The following DPYD variants were observed in gnomAD, a reference collection of about 807,000 sequenced individuals.
The protein encoded by DPYD is dihydropyrimidine dehydrogenase.
A neutral mutation model predicts 116.2 loss-of-function variants in DPYD; 109 were observed. The ratio of observed to expected loss-of-function variants is 0.94; its 90% CI spans 0.80 to 1.10. The LOEUF is 1.10. Ranked by LOEUF, DPYD falls within the 50% of genes least tolerant of loss-of-function variation. The pLI is 0.00. For synonymous variants in DPYD, 440 were observed against 432.0 expected (o/e 1.02, Z -0.23); for missense variants, 1,302 against 1,254.5 (o/e 1.04, Z -0.57).
chr1:97,817,852 G>C (rs1668709270), intron 3 of DPYD, among the ~76,000 whole-genome samples: 1 of 151,896 alleles, frequency 6.6e-6, no homozygotes, highest in African/African-American at 2.4e-5. Context: ...CTTCAATTAT[G>C]GATACTTAAA....
At chr1:97,637,901 T>A (rs1657663062) in intron 8 of DPYD, among the ~76,000 whole-genome samples, 1 of 152,086 alleles carries the variant, frequency 6.6e-6, no homozygotes, top group Non-Finnish European at 1.5e-5. Flanking sequence ...AACCAAGACC[T>A]TTTGTTGACA....
chr1:97,384,148 A>G (rs891323254), intron 14 of DPYD, among the ~76,000 whole-genome samples: 1 of 151,988 alleles, frequency 6.6e-6, no homozygotes, highest in African/African-American at 2.4e-5. Flanking sequence ...TTGAGACACA[A>G]AGAGTTTGTG....
chr1:97,145,449 C>T (rs746162601), intron 20 of DPYD, among the ~76,000 whole-genome samples: 9 of 152,054 alleles, frequency 5.9e-5, no homozygotes, highest in Non-Finnish European at 1.0e-4. Flanking sequence ...TCCAAGCTAC[C>T]GAAACTGGTG....
chr1:97,820,179 A>C (rs1668848688), intron 3 of DPYD, among the ~76,000 whole-genome samples: 1 of 152,112 alleles, frequency 6.6e-6, no homozygotes, highest in Non-Finnish European at 1.5e-5. Flanking sequence ...TAAACAGCTA[A>C]AATAATACCT....
In DPYD at chr1:97,714,468, C is replaced by T. The variant is rs1163945255; in HGVS notation, c.483+7042G>A. Among the ~76,000 whole-genome samples, 5 of 151,996 alleles carry T rather than the reference C, an allele frequency of 3.3e-5. No individual in the cohort carries two copies. In the East Asian group the frequency reaches 9.7e-4, roughly 29 times the overall value. On this transcript the variant is annotated intron_variant, in intron 5 of 22. Coordinates refer to ENST00000370192, the MANE Select transcript of DPYD (RefSeq NM_000110.4). ...TTGTGATCCGCCTGCCTCGGCCTCC[C>T]AAAATGCTAGGATTAAAGGCATGAC...
intron 14 of DPYD, among the ~76,000 whole-genome samples, chr1:97,413,976 T>C (rs1001895105): frequency 1.3e-5 from 2 of 152,150 alleles, no homozygotes; most frequent in Non-Finnish European, 2.9e-5. Context: ...TATGTATACA[T>C]AGAAGTTATA....
At chr1:97,312,811 G>T (rs1156566557) in intron 16 of DPYD, among the ~76,000 whole-genome samples, 2 of 151,708 alleles carry the variant, frequency 1.3e-5, no homozygotes, top group African/African-American at 4.8e-5. Flanking sequence ...ATAGACATTT[G>T]CCAAAACACA....
intron 5 of DPYD, among the ~76,000 whole-genome samples, chr1:97,707,873 A>G (rs2100994268): frequency 6.6e-6 from 1 of 152,130 alleles, no homozygotes; most frequent in South Asian, 2.1e-4. Flanking sequence ...GTTGGGTTGT[A>G]AGAGACTTTT....
At chr1:97,860,864 A>T (rs1349734668) in intron 2 of DPYD, among the ~76,000 whole-genome samples, 1 of 152,030 alleles carries the variant, frequency 6.6e-6, no homozygotes, top group African/African-American at 2.4e-5. Flanking sequence ...CTCTCAAACG[A>T]TAAAAAGCTA....
intron 20 of DPYD, among the ~76,000 whole-genome samples, chr1:97,152,039 G>A (rs1225614887): frequency 6.6e-6 from 1 of 152,052 alleles, no homozygotes; most frequent in Non-Finnish European, 1.5e-5. Context: ...ACCTTTTCTA[G>A]GCTGGTTTAA....
At chr1:97,185,095 C>T (rs370460579) in intron 20 of DPYD, among the ~76,000 whole-genome samples, 174 of 152,132 alleles carry the variant, frequency 1.1e-3, no homozygotes, top group African/African-American at 4.0e-3. Context: ...TTGTCAAATG[C>T]TTTTGCTGAT....
chr1:97,141,629 C>T (rs1654231227), intron 20 of DPYD, among the ~76,000 whole-genome samples: 1 of 152,160 alleles, frequency 6.6e-6, no homozygotes, highest in African/African-American at 2.4e-5. Context: ...GCCCTTATCA[C>T]CGAATATACT....
At chr1:97,425,659 A>G (rs774630357) in intron 14 of DPYD, among the ~76,000 whole-genome samples, 17 of 152,104 alleles carry the variant, frequency 1.1e-4, no homozygotes, top group Non-Finnish European at 2.2e-4. Context: ...TTGAACTTCA[A>G]TAGCCAGAAA....
At chr1:97,758,748 C>T (rs142896513) in intron 3 of DPYD, among the ~76,000 whole-genome samples, 1 of 152,146 alleles carries the variant, frequency 6.6e-6, no homozygotes, top group African/African-American at 2.4e-5. Context: ...ACCTTCACTA[C>T]AGTCAGCAAT....
intron 14 of DPYD, among the ~76,000 whole-genome samples, chr1:97,404,845 C>T (rs1215854710): frequency 6.6e-6 from 1 of 151,226 alleles, no homozygotes; most frequent in East Asian, 1.9e-4. Flanking sequence ...ATTTTTTTCT[C>T]TGTTCCTATT....
rs144286418 is a variant in DPYD, at chr1:97,806,221, C to T, written c.233+21893G>A. Reference sequence around the variant, plus strand: ...TCAAGTTTCAAAATATAATCTTACACATTTTATTTTCTTGCCATAATGGAA... The same window carrying T: ...TCAAGTTTCAAAATATAATCTTACATATTTTATTTTCTTGCCATAATGGAA... On this transcript the variant is annotated intron_variant, in intron 3 of 22. Transcript: ENST00000370192. 2.1e-3 allele frequency among the ~76,000 whole-genome samples: 320 copies of T among 151,952 alleles called. 1 individual carries two copies. Among genetic ancestry groups the T allele is most frequent in the African/African-American group, 6.6e-3 (274 of 41,508 alleles).
At chr1:97,758,360 CA>C (rs34224428) in intron 3 of DPYD, among the ~76,000 whole-genome samples, 103,977 of 138,868 alleles carry the variant, frequency 0.75, 37,977 homozygotes, top group East Asian at 0.96. Context: ...ATTATGAGAG[CA>C]AAAAAAAAAA....
chr1:97,331,254 G>A (rs780004355), intron 16 of DPYD, among the ~76,000 whole-genome samples: 12 of 152,090 alleles, frequency 7.9e-5, no homozygotes, highest in Non-Finnish European at 1.0e-4. Context: ...CAGGAGGATC[G>A]CTTGAGGCCA....
intron 3 of DPYD, among the ~76,000 whole-genome samples, chr1:97,768,830 T>C (rs1286552483): frequency 6.6e-6 from 1 of 151,760 alleles, no homozygotes; most frequent in Non-Finnish European, 1.5e-5. Flanking sequence ...CTCTTAAATA[T>C]AGCAAAACAA....
Sources: allele counts gnomAD v4.1 joint callset (sites outside exome capture counted in the v4.1 genomes callset), GRCh38; gene constraint gnomAD v4.1.1; transcripts MANE v1.5; gene names NCBI Gene and HGNC (gene_info 2026-07-23, HGNC 2026-07-21).